The following MAP3K19 variants were observed in gnomAD, a reference collection of about 807,000 sequenced individuals.
The protein encoded by MAP3K19 is SPS1/STE20-related protein kinase YSK4.
Under a neutral mutation model 114.4 loss-of-function variants are expected in MAP3K19, and 91 were observed. That is an observed-to-expected ratio of 0.80 (90% CI 0.67 to 0.95). The LOEUF (loss-of-function observed/expected upper bound fraction) is 0.95, where lower values mean the gene tolerates loss of function less well. Among genes scored for constraint, MAP3K19 ranks in the 40% least tolerant of loss-of-function variants. MAP3K19 has a pLI of 0.00. For synonymous variants in MAP3K19, 518 were observed against 530.5 expected (o/e 0.98, Z 0.32); for missense variants, 1,471 against 1,573.2 (o/e 0.94, Z 1.10).
chr2:134,993,775 G>A (rs963196959), intron 8 of MAP3K19, among the ~76,000 whole-genome samples: 1 of 152,126 alleles, frequency 6.6e-6, no homozygotes, highest in Admixed American at 6.6e-5. Context: ...TAGGTAATTT[G>A]GTAACATGTG....
At chr2:135,010,674 C>A (rs1373672922) in intron 5 of MAP3K19, among the ~76,000 whole-genome samples, 6 of 152,258 alleles carry the variant, frequency 3.9e-5, no homozygotes, top group East Asian at 1.9e-4. Flanking sequence ...GTCGCCGAGG[C>A]TGGAATGCAG....
intron 3 of MAP3K19, among the ~76,000 whole-genome samples, chr2:135,029,199 C>T (rs992974905): frequency 7.2e-5 from 11 of 152,116 alleles, no homozygotes; most frequent in Non-Finnish European, 1.6e-4. Flanking sequence ...GGTGAAACCC[C>T]GTCTCTACTG....
intron 2 of MAP3K19, among the ~76,000 whole-genome samples, chr2:135,039,142 T>A (rs1409746405): frequency 2.8e-5 from 4 of 140,526 alleles, no homozygotes; most frequent in Non-Finnish European, 6.0e-5. Context: ...TTTTTTTTTT[T>A]AGCATATGTG....
At chr2:134,984,629 G>C (rs960391848) in intron 10 of MAP3K19, among the ~76,000 whole-genome samples, 3 of 152,132 alleles carry the variant, frequency 2.0e-5, no homozygotes, top group African/African-American at 2.4e-5. Context: ...TATTTACCTT[G>C]TATGTTCTTC....
chr2:135,043,646 C>T (rs1172579131), intron 1 of MAP3K19, among the ~76,000 whole-genome samples: 1 of 152,180 alleles, frequency 6.6e-6, no homozygotes, highest in East Asian at 1.9e-4. Context: ...AGGGTTCACT[C>T]TTGGTGTTGT....
At position 134,998,703 on chromosome 2, in the gene MAP3K19, A is replaced by G. The variant is rs372752737; in HGVS notation, c.574+35T>C. On this transcript the variant is annotated intron_variant, in intron 8 of 12. Coordinates refer to ENST00000392915, the MANE Select transcript of MAP3K19 (RefSeq NM_025052.5). ...ACAATACATAAATATTTGTTGACCA[A>G]AAGGACTCACTGTGGAATTCAATGT... 118 of 1,565,648 alleles carry G rather than the reference A, an allele frequency of 7.5e-5. No homozygotes were observed. In the African/African-American group the frequency reaches 1.3e-3, roughly 18 times the overall value.
In MAP3K19 at chr2:134,996,433, C is replaced by T. The variant is rs189031869; in HGVS notation, c.574+2305G>A. 7.9e-5 allele frequency among the ~76,000 whole-genome samples: 12 copies of T among 152,248 alleles called. No individual in the cohort carries two copies. The East Asian group carries it at 2.3e-3, about 29-fold the overall frequency. On this transcript the variant is annotated intron_variant, in intron 8 of 12. Transcript: ENST00000392915. ...ATGCTTGGAGGTTGAATTATTCTTG[C>T]TTTTGTAATCCGGCGAAGATGAACA...
chr2:134,987,653 C>T lies in MAP3K19; in HGVS notation c.1219G>A (p.Asp407Asn), dbSNP rs145685637. 422 of 1,614,026 alleles carry T rather than the reference C, an allele frequency of 2.6e-4. No individual in the cohort carries two copies. The highest frequency in any genetic ancestry group is 3.4e-4 in the Non-Finnish European group (397 of 1,180,028). The change falls in exon 10 of 13, where the codon GAT (aspartate) becomes AAT (asparagine). Residue 407 changes from aspartate to asparagine, a missense_variant. By Grantham distance (23) the Asp-to-Asn change is conservative. Coordinates refer to ENST00000392915, the MANE Select transcript of MAP3K19 (RefSeq NM_025052.5). ...TQHSEITPSQ[D>N]EEMRNNKAAS... ...GCTTTATTATTTCTCATCTCTTCAT[C>T]CTGGCTTGGAGTTATTTCTGAATGC...
chr2:134,987,978 G>A lies in MAP3K19; in HGVS notation c.894C>T (p.His298=). 2 of 1,614,184 alleles carry A rather than the reference G, an allele frequency of 1.2e-6. No homozygotes were observed. The highest frequency in any genetic ancestry group is 1.7e-6 in the Non-Finnish European group (2 of 1,180,042). Residue 298 remains histidine, a synonymous_variant, in exon 10 of 13, where the codon CAC becomes CAT. Coordinates refer to ENST00000392915, the MANE Select transcript of MAP3K19 (RefSeq NM_025052.5). ...NMCSFPKTNH[H]RQCLEKEENW... Reference sequence around the variant, plus strand: ...TTTCCTCCTTCTCCAGGCATTGCCTGTGATGGTTAGTCTTAGGAAAAGAGC... The same window carrying A: ...TTTCCTCCTTCTCCAGGCATTGCCTATGATGGTTAGTCTTAGGAAAAGAGC...
At chr2:135,007,492 T>C (rs1343638160) in intron 5 of MAP3K19, among the ~76,000 whole-genome samples, 1 of 152,224 alleles carries the variant, frequency 6.6e-6, no homozygotes, top group Non-Finnish European at 1.5e-5. Context: ...AGTCACCCTG[T>C]TGTGCTATCA....
At position 134,987,731 on chromosome 2, in the gene MAP3K19, C is replaced by T. The variant is rs771646581; in HGVS notation, c.1141G>A (p.Glu381Lys). The change falls in exon 10 of 13, where the codon GAA (glutamate) becomes AAA (lysine). Residue 381 changes from glutamate (E) to lysine (K), a missense_variant. Coordinates refer to ENST00000392915, the MANE Select transcript of MAP3K19 (RefSeq NM_025052.5). ...KNESSVAKNY[E>K]QDPEIVCTIP... The stretch of plus-strand genomic sequence containing the variant: ...GTACATACTATTTCTGGATCTTGTT[C>T]ATAGTTTTTGGCTACTGAACTCTCA... 1 of 1,610,824 alleles carries T rather than the reference C, an allele frequency of 6.2e-7. No individual in the cohort carries two copies. The highest frequency in any genetic ancestry group is 1.7e-5 in the Admixed American group (1 of 60,004).
rs755137820 is a variant in MAP3K19, at chr2:134,986,743, C to T, written c.2129G>A (p.Ser710Asn). Residue 710 changes from serine to asparagine, a missense_variant, in exon 10 of 13, where the codon AGC (serine) becomes AAC (asparagine). By Grantham distance (46) the Ser-to-Asn change is conservative (BLOSUM62 1). Coordinates refer to ENST00000392915, the MANE Select transcript of MAP3K19 (RefSeq NM_025052.5). ...KCRSSHSERKSNIRTRLSQKK... is the reference protein window; with the variant it reads ...KCRSSHSERKNNIRTRLSQKK... ...CTGAGAAAGTCTTGTTCTGATATTGCTCTTCCTCTCACTGTGTGAAGATCG... is the reference window on the plus strand; with the variant it reads ...CTGAGAAAGTCTTGTTCTGATATTGTTCTTCCTCTCACTGTGTGAAGATCG... 5.0e-6 allele frequency: 8 copies of T among 1,614,144 alleles called. No homozygotes were observed. The South Asian group carries it at 7.7e-5, about 16-fold the overall frequency.
At position 134,983,714 on chromosome 2, in the gene MAP3K19, T is replaced by A; in HGVS notation, c.3184A>T (p.Thr1062Ser). The change falls in exon 11 of 13, where the codon ACC (threonine) becomes TCC (serine). Residue 1062 changes from threonine (T) to serine (S), a missense_variant. Coordinates refer to ENST00000392915, the MANE Select transcript of MAP3K19 (RefSeq NM_025052.5). ...SLKSEEPILWTKGEILGKGAY... is the reference protein window; with the variant it reads ...SLKSEEPILWSKGEILGKGAY... ...CCCTTTCCAAGAATCTCACCCTTGG[T>A]CCATAGGATAGGTTCTTCAGACTTT... 6.3e-7 allele frequency: 1 copy of A among 1,590,706 alleles called. No homozygotes were observed. Among genetic ancestry groups the A allele is most frequent in the Non-Finnish European group, 8.5e-7 (1 of 1,173,300 alleles).
intron 5 of MAP3K19, among the ~76,000 whole-genome samples, chr2:135,008,600 T>C (rs1686999581): frequency 6.6e-6 from 1 of 152,180 alleles, no homozygotes; most frequent in Non-Finnish European, 1.5e-5. Context: ...ACCCAAATAC[T>C]ATGAAAAAGT....
At chr2:134,984,478 C>T (rs1684947428) in intron 10 of MAP3K19, among the ~76,000 whole-genome samples, 1 of 152,126 alleles carries the variant, frequency 6.6e-6, no homozygotes, top group Non-Finnish European at 1.5e-5. Context: ...CTCTGACCTA[C>T]AATGTGCAGC....
chr2:134,975,593 G>A (rs1051147890), intron 12 of MAP3K19, among the ~76,000 whole-genome samples: 2 of 152,072 alleles, frequency 1.3e-5, no homozygotes, highest in African/African-American at 4.8e-5. Context: ...GGTGGGCAAG[G>A]GGAGCCTGTC....
At chr2:134,968,093 C>T (rs113529902) in intron 12 of MAP3K19, among the ~76,000 whole-genome samples, 33,186 of 151,598 alleles carry the variant, frequency 0.22, 3,975 homozygotes, top group Middle Eastern at 0.55. Flanking sequence ...AGCATCTGTT[C>T]AACAAAGCAC....
At chr2:134,965,650 A>T (rs1186840579) in intron 12 of MAP3K19, among the ~76,000 whole-genome samples, 1 of 152,200 alleles carries the variant, frequency 6.6e-6, no homozygotes, top group Non-Finnish European at 1.5e-5. Flanking sequence ...TTTAACAACC[A>T]GGTAACTTCC....
In MAP3K19 at chr2:134,991,517, A is replaced by T; in HGVS notation, c.618+20T>A. 2 of 1,609,972 alleles carry T rather than the reference A, an allele frequency of 1.2e-6. No homozygotes were observed. Among genetic ancestry groups the T allele is most frequent in the Non-Finnish European group, 1.7e-6 (2 of 1,176,206 alleles). On this transcript the variant is annotated intron_variant, in intron 9 of 12. Transcript: ENST00000392915. Reference sequence around the variant, plus strand: ...GTTTGGTTTTAATTCTCAAGTCAAAAATGCTAGCACTAATCTTACCTTGAT... The same window carrying T: ...GTTTGGTTTTAATTCTCAAGTCAAATATGCTAGCACTAATCTTACCTTGAT...
Sources: gnomAD v4.1 joint callset for allele counts (sites outside exome capture counted in the v4.1 genomes callset) on GRCh38, gnomAD v4.1.1 for gene constraint, MANE v1.5 for transcripts, NCBI Gene and HGNC (gene_info 2026-07-23, HGNC 2026-07-21) for gene names.